The following RCOR1 variants were observed in gnomAD, a reference collection of about 807,000 sequenced individuals.
The protein encoded by RCOR1 is REST corepressor 1.
RCOR1 carries 12 observed loss-of-function variants against 64.0 expected under a neutral mutation model. The ratio of observed to expected loss-of-function variants is 0.19; its 90% CI spans 0.12 to 0.30. RCOR1 has a LOEUF of 0.30. Ranked by LOEUF, RCOR1 falls within the 10% of genes least tolerant of loss-of-function variation. RCOR1 has a pLI of 1.00. For synonymous variants in RCOR1, 279 were observed against 227.2 expected (o/e 1.23, Z -2.05); for missense variants, 502 against 621.2 (o/e 0.81, Z 2.04).
intron 2 of RCOR1, chr14:102,643,279 G>A (rs917620837): frequency 2.3e-5 from 22 of 939,978 alleles, no homozygotes; most frequent in South Asian, 2.0e-4. Flanking sequence ...GCGAGACTCC[G>A]TCTCAAAAAA....
chr14:102,625,837 A>ATGCCTAATGATATTCTT (rs1287253011), intron 2 of RCOR1, among the ~76,000 whole-genome samples: 1 of 152,074 alleles, frequency 6.6e-6, no homozygotes, highest in Non-Finnish European at 1.5e-5. Context: ...TTATTTCAGT[A>ATGCCTAATGATATTCTT]TGCCTAATGA....
rs192147228 is a variant in RCOR1 at position 102,634,813 on chromosome 14, C to T, written c.361+41488C>T. On this transcript the variant is annotated intron_variant, in intron 2 of 11. Transcript: ENST00000262241. The stretch of plus-strand genomic sequence containing the variant: ...CCAGGTTCAAGTGATTCTCCTGCCT[C>T]AGCCTCCTGAGTAGCTGGAATTACA... Among the ~76,000 whole-genome samples, 848 of 151,812 alleles carry T rather than the reference C, an allele frequency of 5.6e-3. 4 individuals are homozygous for T. Among genetic ancestry groups the T allele is most frequent in the Non-Finnish European group, 8.9e-3 (608 of 67,986 alleles).
At chr14:102,596,722 G>A (rs1043399837) in intron 2 of RCOR1, among the ~76,000 whole-genome samples, 1 of 151,324 alleles carries the variant, frequency 6.6e-6, no homozygotes, top group Non-Finnish European at 1.5e-5. Flanking sequence ...CCACCACCAC[G>A]CCCAACTAAT....
At chr14:102,662,701 G>T in intron 2 of RCOR1, 1 of 434,374 alleles carries the variant, frequency 2.3e-6, no homozygotes, top group Admixed American at 2.8e-5. Context: ...CTTTGCTTTC[G>T]GTGCCATCTT....
At chr14:102,614,747 CT>C (rs2139893133) in intron 2 of RCOR1, among the ~76,000 whole-genome samples, 1 of 152,116 alleles carries the variant, frequency 6.6e-6, no homozygotes, top group Admixed American at 6.5e-5. Flanking sequence ...AATAGCTAAA[CT>C]TTTATCCAGT....
chr14:102,721,255 T>TA, intron 9 of RCOR1, 65 bp from the exon 10 acceptor site: 1 of 1,411,778 alleles, frequency 7.1e-7, no homozygotes, highest in Non-Finnish European at 9.9e-7. Flanking sequence ...AAAGGTTCGT[T>TA]AAGCTCATAA....
At chr14:102,696,615 G>C (rs1044348316) in intron 3 of RCOR1, among the ~76,000 whole-genome samples, 7 of 152,118 alleles carry the variant, frequency 4.6e-5, no homozygotes, top group Admixed American at 2.6e-4. Context: ...GCCCTCAGTG[G>C]CTCCTCACTT....
Position 102,726,829 on chromosome 14 carries a change from C to G in RCOR1, c.*323C>G. 1 of 333,512 alleles carries G rather than the reference C, an allele frequency of 3.0e-6. No homozygotes were observed. Among genetic ancestry groups the G allele is most frequent in the Non-Finnish European group, 5.4e-6 (1 of 184,210 alleles). 20.7% of individuals were successfully genotyped at this position (333,512 alleles called of 1,614,324 possible). A position where few individuals can be genotyped will look rare whatever the true frequency, so the allele number is the denominator to read the frequency against. On this transcript the variant is annotated 3_prime_UTR_variant, in exon 12 of 12. Transcript: ENST00000262241. ...GAGCCCCACCAATGGCAGCTCTTCC[C>G]AGTCAGCAGCTTCAGAGCAGGCAGT... is the stretch of plus-strand genomic sequence containing the variant.
Position 102,700,831 on chromosome 14 carries a change from C to T in RCOR1, c.446-447C>T, listed in dbSNP as rs114602940. Among the ~76,000 whole-genome samples, 1,341 of 152,170 alleles carry T rather than the reference C, an allele frequency of 8.8e-3. 20 individuals carry two copies. Among genetic ancestry groups the T allele is most frequent in the African/African-American group, 0.029 (1,200 of 41,524 alleles). On this transcript the variant is annotated intron_variant, in intron 3 of 11. Coordinates refer to ENST00000262241, the MANE Select transcript of RCOR1 (RefSeq NM_015156.4). Reference sequence around the variant, plus strand: ...CTTGTACAGGACAAGTGTATTAGTCCGTTTTTATGCTGTTGGTAAAGACAT... The same window carrying T: ...CTTGTACAGGACAAGTGTATTAGTCTGTTTTTATGCTGTTGGTAAAGACAT...
At chr14:102,620,328 G>A (rs1371127866) in intron 2 of RCOR1, among the ~76,000 whole-genome samples, 1 of 152,202 alleles carries the variant, frequency 6.6e-6, no homozygotes, top group African/African-American at 2.4e-5. Context: ...AGCACTTTGG[G>A]AGGCCAAGGC....
intron 2 of RCOR1, among the ~76,000 whole-genome samples, chr14:102,653,463 C>T (rs7143048): frequency 0.2 from 30,303 of 152,114 alleles, 3,287 homozygotes; most frequent in East Asian, 0.38. Context: ...GTTGGGATTA[C>T]AGGCATGAGC....
chr14:102,601,366 T>C (rs1893393588), intron 2 of RCOR1, among the ~76,000 whole-genome samples: 1 of 152,240 alleles, frequency 6.6e-6, no homozygotes, highest in Admixed American at 6.5e-5. Flanking sequence ...TAAAGCCTCA[T>C]TCCCGCCTTC....
At chr14:102,670,855 C>T (rs1895020128) in intron 2 of RCOR1, among the ~76,000 whole-genome samples, 1 of 151,742 alleles carries the variant, frequency 6.6e-6, no homozygotes, top group Non-Finnish European at 1.5e-5. Context: ...TTCACTGCAA[C>T]CTCTGCCTCC....
chr14:102,684,402 G>A (rs1008266640), intron 3 of RCOR1, among the ~76,000 whole-genome samples: 6 of 152,146 alleles, frequency 3.9e-5, no homozygotes, highest in African/African-American at 1.4e-4. Flanking sequence ...GTTTTCCTTA[G>A]ATGGCATAAA....
rs572804484 is a variant in RCOR1, at chr14:102,728,256, G to A, written c.*1750G>A. ...TGCTGCCCTTCATCATCTCGTTCCC[G>A]TGCCAGGTGTGTGTTGGTCACGTAA... On this transcript the variant is annotated 3_prime_UTR_variant, in exon 12 of 12. Transcript: ENST00000262241. 3.3e-5 allele frequency: 5 copies of A among 152,216 alleles called. No homozygotes were observed. Among genetic ancestry groups the A allele is most frequent in the East Asian group, 1.9e-4 (1 of 5,176 alleles). 9.4% of individuals were successfully genotyped at this position (152,216 alleles called of 1,614,324 possible).
chr14:102,703,101 C>T (rs1895781871), intron 4 of RCOR1, among the ~76,000 whole-genome samples: 1 of 152,094 alleles, frequency 6.6e-6, no homozygotes, highest in African/African-American at 2.4e-5. Context: ...TAGACGTGCT[C>T]AAAGGCAGAT....
At chr14:102,691,141 T>C (rs1413217691) in intron 3 of RCOR1, among the ~76,000 whole-genome samples, 2 of 152,240 alleles carry the variant, frequency 1.3e-5, no homozygotes, top group Non-Finnish European at 2.9e-5. Flanking sequence ...CCTGCCCAAG[T>C]GTAGCTTACA....
intron 2 of RCOR1, among the ~76,000 whole-genome samples, chr14:102,632,608 G>GCTATC (rs1567415103): frequency 7.1e-6 from 1 of 140,134 alleles, no homozygotes; most frequent in African/African-American, 2.7e-5. Flanking sequence ...TTGACTGCAT[G>GCTATC]CTATCCTTTC....
intron 2 of RCOR1, among the ~76,000 whole-genome samples, chr14:102,606,937 T>G (rs1313927624): frequency 1.8e-4 from 4 of 22,650 alleles, no homozygotes; most frequent in Non-Finnish European, 5.1e-4. Flanking sequence ...TGTGTTAGTT[T>G]TTTTTTTTTT....
Sources: allele counts gnomAD v4.1 joint callset (sites outside exome capture counted in the v4.1 genomes callset), GRCh38; gene constraint gnomAD v4.1.1; transcripts MANE v1.5; gene names NCBI Gene and HGNC (gene_info 2026-07-23, HGNC 2026-07-21).